TRPM6: variants seen among roughly 807,000 people sequenced by gnomAD.
The protein encoded by TRPM6 is transient receptor potential cation channel subfamily M member 6.
TRPM6 carries 111 observed loss-of-function variants against 247.6 expected under a neutral mutation model. The ratio of observed to expected loss-of-function variants is 0.45; its 90% CI spans 0.38 to 0.52. The LOEUF is 0.52. TRPM6 is among the 20% of genes least tolerant of loss of function. The pLI is 0.00. For missense variants in TRPM6, 2,126 were observed against 2,421.5 expected (o/e 0.88, Z 2.56); for synonymous variants, 892 against 853.8 (o/e 1.04, Z -0.78).
At chr9:74,736,324 T>C (rs1825691997) in intron 36 of TRPM6, among the ~76,000 whole-genome samples, 1 of 152,206 alleles carries the variant, frequency 6.6e-6, no homozygotes, top group Non-Finnish European at 1.5e-5. Context: ...TCCTCCTAAC[T>C]GCTGCTGGTG....
intron 1 of TRPM6, among the ~76,000 whole-genome samples, chr9:74,866,240 G>A (rs1830840624): frequency 6.6e-6 from 1 of 152,128 alleles, no homozygotes; most frequent in South Asian, 2.1e-4. Flanking sequence ...GAGATTATTT[G>A]TCTTATTTTT....
intron 11 of TRPM6, among the ~76,000 whole-genome samples, chr9:74,814,177 C>A (rs1828842698): frequency 6.6e-6 from 1 of 152,026 alleles, no homozygotes; most frequent in African/African-American, 2.4e-5. Flanking sequence ...TTTGCTGTCA[C>A]AAATTAATAG....
chr9:74,754,700 A>C (rs935888761), intron 28 of TRPM6, among the ~76,000 whole-genome samples: 4 of 152,216 alleles, frequency 2.6e-5, no homozygotes, highest in Non-Finnish European at 4.4e-5. Flanking sequence ...TTAATCACTT[A>C]GTCCTTTCTG....
intron 1 of TRPM6, among the ~76,000 whole-genome samples, chr9:74,880,064 C>T (rs1043353456): frequency 1.3e-5 from 2 of 152,022 alleles, no homozygotes; most frequent in East Asian, 1.9e-4. Flanking sequence ...GGAAAACTCC[C>T]ACACACATAT....
chr9:74,857,369 AACCTT>A (rs1830558547), intron 2 of TRPM6, among the ~76,000 whole-genome samples: 1 of 152,208 alleles, frequency 6.6e-6, no homozygotes, highest in African/African-American at 2.4e-5. Flanking sequence ...ATGAGTTCTA[AACCTT>A]AAAGGCATAT....
chr9:74,832,325 A>G (rs1298196125), intron 6 of TRPM6, among the ~76,000 whole-genome samples: 1 of 152,212 alleles, frequency 6.6e-6, no homozygotes, highest in Admixed American at 6.5e-5. Context: ...AAGCAAGTCA[A>G]GAGATATAAC....
chr9:74,733,086 C>T (rs779561691), intron 36 of TRPM6, among the ~76,000 whole-genome samples: 1 of 151,612 alleles, frequency 6.6e-6, no homozygotes, highest in African/African-American at 2.4e-5. Context: ...CTCAGCTACT[C>T]GGGAGGCTGA....
intron 7 of TRPM6, 107 bp downstream of exon 7, chr9:74,827,671 C>G: frequency 8.3e-6 from 10 of 1,197,830 alleles, no homozygotes; most frequent in Non-Finnish European, 1.2e-5. Context: ...ATTAAGGAGG[C>G]TAGCTTGAGG....
chr9:74,824,756 G>A (rs1430935908), intron 7 of TRPM6, among the ~76,000 whole-genome samples: 1 of 152,116 alleles, frequency 6.6e-6, no homozygotes, highest in Non-Finnish European at 1.5e-5. Context: ...AAGATACAGA[G>A]GCATCAGAGC....
intron 6 of TRPM6, among the ~76,000 whole-genome samples, chr9:74,831,258 G>T (rs934882686): frequency 6.6e-6 from 1 of 152,048 alleles, no homozygotes; most frequent in Non-Finnish European, 1.5e-5. Flanking sequence ...TTGGGAGGCC[G>T]AAGTGGGTGG....
At chr9:74,730,710 C>T (rs965955629) in intron 37 of TRPM6, among the ~76,000 whole-genome samples, 4 of 152,190 alleles carry the variant, frequency 2.6e-5, no homozygotes, top group African/African-American at 9.7e-5. Flanking sequence ...TGGTCCACGT[C>T]CCATGCTTCG....
chr9:74,830,376 GT>G (rs1829501288), intron 6 of TRPM6, among the ~76,000 whole-genome samples: 1 of 150,946 alleles, frequency 6.6e-6, no homozygotes, highest in East Asian at 1.9e-4. Flanking sequence ...TTGTTTTGGG[GT>G]TTTTTTGTTT....
Position 74,767,248 on chromosome 9 carries a change from G to T in TRPM6, c.3537-4114C>A, listed in dbSNP as rs115656281. Among the ~76,000 whole-genome samples the T allele has an allele frequency of 2.0e-3, 302 of 152,176 alleles. 1 individual carries two copies. Among genetic ancestry groups the T allele is most frequent in the African/African-American group, 6.8e-3 (283 of 41,522 alleles). On this transcript the variant is annotated intron_variant, in intron 25 of 38. Transcript: ENST00000360774. ...TATTTTTTAAAACCACAGCATTTCC[G>T]AAATATAATGTACCAAACATGCTTA...
At chr9:74,824,511 G>GAAAAAAA (rs59044061) in intron 7 of TRPM6, among the ~76,000 whole-genome samples, 4 of 46,994 alleles carry the variant, frequency 8.5e-5, no homozygotes, top group Non-Finnish European at 1.7e-4. Flanking sequence ...GGCTTTTTCT[G>GAAAAAAA]AAAAAAAAAA....
In TRPM6 at chr9:74,760,169, T is replaced by C. The variant is rs192228900; in HGVS notation, c.4785+1527A>G. 1.4e-4 allele frequency among the ~76,000 whole-genome samples: 21 copies of C among 152,330 alleles called. 1 individual carries two copies. The highest frequency in any genetic ancestry group is 2.6e-4 in the Admixed American group (4 of 15,300). Reference sequence around the variant, plus strand: ...ACAGTGTTTATAAAGTCTACAGTAGTATACAGTAATGCTCTAGGCCTTTGC... The same window carrying C: ...ACAGTGTTTATAAAGTCTACAGTAGCATACAGTAATGCTCTAGGCCTTTGC... On this transcript the variant is annotated intron_variant, in intron 27 of 38. Transcript: ENST00000360774.
intron 28 of TRPM6, 86 bp downstream of exon 28, chr9:74,755,267 A>G: frequency 7.2e-7 from 1 of 1,380,572 alleles, no homozygotes; most frequent in Non-Finnish European, 1.0e-6. Flanking sequence ...GTGAAAGAAC[A>G]GGAGGAACCG....
Position 74,800,395 on chromosome 9 carries a change from G to A in TRPM6, c.2097C>T (p.Leu699=), listed in dbSNP as rs1218641400. The A allele has an allele frequency of 6.2e-7, 1 of 1,614,058 alleles. No homozygotes were observed. The highest frequency in any genetic ancestry group is 8.5e-7 in the Non-Finnish European group (1 of 1,180,018). ...RMAMTLLTYE[L]RNWSNSTCLK... ...GGCAGGTCGAATTGCTCCAGTTCCT[G>A]AGTTCATACGTCAACAGCGTCATGG... Residue 699 remains leucine (L), a synonymous_variant, in exon 17 of 39, where the codon CTC becomes CTT. Coordinates refer to ENST00000360774, the MANE Select transcript of TRPM6 (RefSeq NM_017662.5).
At chr9:74,867,724 T>C (rs1359547183) in intron 1 of TRPM6, among the ~76,000 whole-genome samples, 1 of 152,158 alleles carries the variant, frequency 6.6e-6, no homozygotes, top group Non-Finnish European at 1.5e-5. Flanking sequence ...AACCAGCCCT[T>C]TACAATCCAT....
chr9:74,839,656 T>C (rs1036775621), intron 5 of TRPM6, among the ~76,000 whole-genome samples: 4 of 151,928 alleles, frequency 2.6e-5, no homozygotes, highest in Non-Finnish European at 5.9e-5. Context: ...TGAAGTTACA[T>C]TAAAATAGTA....
Sources: gnomAD v4.1 joint callset for allele counts (sites outside exome capture counted in the v4.1 genomes callset) on GRCh38, gnomAD v4.1.1 for gene constraint, MANE v1.5 for transcripts, NCBI Gene and HGNC (gene_info 2026-07-23, HGNC 2026-07-21) for gene names.